The following PACSIN1 variants were observed in gnomAD, a reference collection of about 807,000 sequenced individuals.
PACSIN1 encodes protein kinase C and casein kinase substrate in neurons protein 1.
In PACSIN1, 15 loss-of-function variants were observed where a neutral mutation model predicts 59.5. That is an observed-to-expected ratio of 0.25 (90% CI 0.17 to 0.39). The LOEUF (loss-of-function observed/expected upper bound fraction) is 0.39. Ranked by LOEUF, PACSIN1 falls within the 10% of genes least tolerant of loss-of-function variation. The probability of loss-of-function intolerance (pLI) is 1.00; values close to 1 mark genes in which losing one functional copy is unlikely to be tolerated. For missense variants in PACSIN1, 420 were observed against 580.2 expected, an observed-to-expected ratio of 0.72 and a Z score of 2.84; for synonymous variants, 210 against 220.6, an observed-to-expected ratio of 0.95 and a Z score of 0.42.
chr6:34,532,064 C>T lies in PACSIN1; in HGVS notation c.1225+277C>T, dbSNP rs549724380. On this transcript the variant is annotated intron_variant, in intron 9 of 9. Coordinates refer to ENST00000244458, the MANE Select transcript of PACSIN1 (RefSeq NM_020804.5). This position sits in a 1 kb window ranked among gnomAD's most constrained non-coding sequence, Gnocchi z 5.2. ...AGGATTTGCAGGGAACTAAATGGGG[C>T]GTGGCCTGGGTTGTGGGCGTGACCT... Among the ~76,000 whole-genome samples the T allele has an allele frequency of 1.3e-5, 2 of 152,052 alleles. No individual in the cohort carries two copies. Among genetic ancestry groups the T allele is most frequent in the East Asian group, 1.9e-4 (1 of 5,174 alleles).
At chr6:34,480,338 C>T (rs1283762361) in intron 1 of PACSIN1, among the ~76,000 whole-genome samples, 1 of 151,452 alleles carries the variant, frequency 6.6e-6, no homozygotes, top group Non-Finnish European at 1.5e-5. Flanking sequence ...GATCCTCCCA[C>T]CTCAGCCTCT....
At chr6:34,505,419 GT>G (rs780911897) in intron 1 of PACSIN1, among the ~76,000 whole-genome samples, 1 of 151,406 alleles carries the variant, frequency 6.6e-6, no homozygotes, top group Admixed American at 6.6e-5. Flanking sequence ...TTCTTTGAAT[GT>G]TTTTTCAGCC....
rs191870737 is a variant in PACSIN1, at chr6:34,516,288, C to T, written c.-63-9955C>T. 7.4e-4 allele frequency among the ~76,000 whole-genome samples: 112 copies of T among 152,280 alleles called. No homozygotes were observed. Among genetic ancestry groups the T allele is most frequent in the Admixed American group, 6.0e-3 (92 of 15,310 alleles). On this transcript the variant is annotated intron_variant, in intron 1 of 9. Transcript: ENST00000244458. The surrounding 1 kb of genome is among the most constrained non-coding windows in gnomAD (Gnocchi z 5.4). ...TACACGCTGAGAAGCTGGCGTGGCT[C>T]TGCTCATTTCTGCAAACGTTAGACG...
In PACSIN1 at chr6:34,530,894, G is replaced by C. The variant is rs1013159205; in HGVS notation, c.1037+307G>C. ...GCAACCTGGATCCCTCGCATGCGCAGTTCACAATAGGGGGGTTGCGCTCCT... is the reference window on the plus strand; with the variant it reads ...GCAACCTGGATCCCTCGCATGCGCACTTCACAATAGGGGGGTTGCGCTCCT... On this transcript the variant is annotated intron_variant, in intron 8 of 9. Coordinates refer to ENST00000244458, the MANE Select transcript of PACSIN1 (RefSeq NM_020804.5). The surrounding 1 kb of genome is among the most constrained non-coding windows in gnomAD (Gnocchi z 4.4). Among the ~76,000 whole-genome samples the C allele has an allele frequency of 1.3e-5, 2 of 152,308 alleles. No individual in the cohort carries two copies. The highest frequency in any genetic ancestry group is 4.8e-5 in the African/African-American group (2 of 41,560).
chr6:34,470,115 A>C (rs1219358109), intron 1 of PACSIN1, among the ~76,000 whole-genome samples: 1 of 152,046 alleles, frequency 6.6e-6, no homozygotes, highest in African/African-American at 2.4e-5. Context: ...TGAAGACCTC[A>C]ACCTTGGGTG....
rs1412385558 is a variant in PACSIN1, at chr6:34,531,125, C to G, written c.1038-475C>G. ...AGTGGTAGCATATCCTTCTAGAGCACCTACTGTGTGTGGCACGGTTCTATG... is the reference window on the plus strand; with the variant it reads ...AGTGGTAGCATATCCTTCTAGAGCAGCTACTGTGTGTGGCACGGTTCTATG... On this transcript the variant is annotated intron_variant, in intron 8 of 9. Transcript: ENST00000244458. The surrounding 1 kb of genome is among the most constrained non-coding windows in gnomAD (Gnocchi z 4.4). 6.6e-6 allele frequency among the ~76,000 whole-genome samples: 1 copy of G among 152,238 alleles called. No homozygotes were observed. Among genetic ancestry groups the G allele is most frequent in the Non-Finnish European group, 1.5e-5 (1 of 68,048 alleles).
chr6:34,495,545 C>T (rs575856959), intron 1 of PACSIN1, among the ~76,000 whole-genome samples: 2 of 152,110 alleles, frequency 1.3e-5, no homozygotes, highest in Admixed American at 6.5e-5. Flanking sequence ...CTCCACCTCC[C>T]GGGTTCAAGT....
chr6:34,486,714 G>T (rs375312251), intron 1 of PACSIN1, among the ~76,000 whole-genome samples: 1,645 of 152,050 alleles, frequency 0.011, 39 homozygotes, highest in East Asian at 0.089. Context: ...GCCCTCCTCC[G>T]TGGGCCCCTC....
In PACSIN1 at chr6:34,526,333, C is replaced by T. The variant is rs763452238; in HGVS notation, c.28C>T (p.Leu10=). Residue 10 remains leucine (L), a synonymous_variant, in exon 2 of 10, where the codon CTG becomes TTG. Transcript: ENST00000244458. ...GTCCAGCTCCTACGATGAGGCCTCA[C>T]TGGCGCCAGAGGAGACCACCGACAG... MSSSYDEAS[L]APEETTDSFW... 2 of 1,612,236 alleles carry T rather than the reference C, an allele frequency of 1.2e-6. No homozygotes were observed. The highest frequency in any genetic ancestry group is 8.5e-7 in the Non-Finnish European group (1 of 1,179,920).
At chr6:34,526,202 C>A in intron 1 of PACSIN1, 41 bp from the exon 2 acceptor site, 2 of 943,618 alleles carry the variant, frequency 2.1e-6, no homozygotes, top group Admixed American at 1.9e-5. Flanking sequence ...GGGTGGAAGG[C>A]CCTTCCCTCA....
chr6:34,519,319 C>T (rs1767347090), intron 1 of PACSIN1, among the ~76,000 whole-genome samples: 1 of 152,164 alleles, frequency 6.6e-6, no homozygotes, highest in Non-Finnish European at 1.5e-5. Context: ...TTTGTGTTTC[C>T]ATCCTCCTCC....
At chr6:34,490,225 A>G (rs569296455) in intron 1 of PACSIN1, among the ~76,000 whole-genome samples, 1 of 118,246 alleles carries the variant, frequency 8.5e-6, no homozygotes, top group South Asian at 2.7e-4. Flanking sequence ...TAATTTAAAA[A>G]CTTTTTTTTT....
intron 1 of PACSIN1, among the ~76,000 whole-genome samples, chr6:34,486,504 A>T (rs1422949355): frequency 6.6e-6 from 1 of 152,044 alleles, no homozygotes; most frequent in African/African-American, 2.4e-5. Flanking sequence ...CCCGCTTCCC[A>T]TTTCAGTCCA....
Position 34,532,542 on chromosome 6 carries a change from C to A in PACSIN1, c.*12C>A. The A allele has an allele frequency of 6.8e-7, 1 of 1,467,498 alleles. No homozygotes were observed. Among genetic ancestry groups the A allele is most frequent in the Non-Finnish European group, 9.3e-7 (1 of 1,076,588 alleles). 90.9% of individuals were successfully genotyped at this position (1,467,498 alleles called of 1,614,324 possible). ...TGGAGGCTATCTAGAGGCCCCCTCC[C>A]TCCATACTCCCGTCACTCCTCCCCA... is the stretch of plus-strand genomic sequence containing the variant. On this transcript the variant is annotated 3_prime_UTR_variant, in exon 10 of 10. Coordinates refer to ENST00000244458, the MANE Select transcript of PACSIN1 (RefSeq NM_020804.5). The surrounding 1 kb of genome is among the most constrained non-coding windows in gnomAD (Gnocchi z 5.2).
At chr6:34,517,298 G>A (rs1374084617) in intron 1 of PACSIN1, among the ~76,000 whole-genome samples, 1 of 148,952 alleles carries the variant, frequency 6.7e-6, no homozygotes, top group East Asian at 2.1e-4. Flanking sequence ...TCACCTGGGG[G>A]ACTGCAGCCA....
chr6:34,484,806 C>G (rs2127248008), intron 1 of PACSIN1, among the ~76,000 whole-genome samples: 1 of 151,886 alleles, frequency 6.6e-6, no homozygotes, highest in Non-Finnish European at 1.5e-5. Flanking sequence ...TATATATATC[C>G]ACATACACAC....
chr6:34,533,409 A>G lies in PACSIN1; in HGVS notation c.*879A>G, dbSNP rs1430337619. ...CCCCTGGCCTAGGGTGGGGACCCCCAAACCTACGGCAAAGCCAGCAACAGT... is the reference window on the plus strand; with the variant it reads ...CCCCTGGCCTAGGGTGGGGACCCCCGAACCTACGGCAAAGCCAGCAACAGT... On this transcript the variant is annotated 3_prime_UTR_variant, in exon 10 of 10. Transcript: ENST00000244458. 2 of 152,262 alleles carry G rather than the reference A, an allele frequency of 1.3e-5. No individual in the cohort carries two copies. The highest frequency in any genetic ancestry group is 3.8e-4 in the East Asian group (2 of 5,198). 9.4% of individuals were successfully genotyped at this position (152,262 alleles called of 1,614,324 possible). A position where few individuals can be genotyped will look rare whatever the true frequency, so the allele number is the denominator to read the frequency against.
chr6:34,483,242 G>A (rs1386963186), intron 1 of PACSIN1, among the ~76,000 whole-genome samples: 1 of 152,108 alleles, frequency 6.6e-6, no homozygotes, highest in Non-Finnish European at 1.5e-5. Context: ...CTGGGCTCAA[G>A]TGATCTGCCC....
At chr6:34,472,742 T>C (rs553628770) in intron 1 of PACSIN1, among the ~76,000 whole-genome samples, 1 of 151,716 alleles carries the variant, frequency 6.6e-6, no homozygotes, top group African/African-American at 2.4e-5. Context: ...CCTGGCGGGA[T>C]GGGAAAGGGG....
Sources: allele counts gnomAD v4.1 joint callset (sites outside exome capture counted in the v4.1 genomes callset), GRCh38; gene constraint gnomAD v4.1.1; non-coding constraint Gnocchi (gnomAD v3.1); transcripts MANE v1.5; gene names NCBI Gene and HGNC (gene_info 2026-07-23, HGNC 2026-07-21).